The following DRC4 variants were observed in gnomAD, a reference collection of about 807,000 sequenced individuals.
DRC4 encodes GAS-11.
the DRC4 span, among the ~76,000 whole-genome samples, chr16:90,030,507 A>AT: frequency 0.045 from 5,299 of 118,962 alleles, 321 homozygotes; most frequent in African/African-American, 0.14. Flanking sequence ...CTCCTGGCTA[A>AT]TTTTTTTTTT....
the DRC4 span, chr16:90,028,871 A>G: frequency 9.0e-7 from 1 of 1,114,418 alleles, no homozygotes; most frequent in Non-Finnish European, 1.2e-6. Flanking sequence ...AAAGAGTCTC[A>G]TGACCTGAAG....
At chr16:90,022,670 G>A in the DRC4 span, 96 of 1,418,534 alleles carry the variant, frequency 6.8e-5, 1 homozygote, top group Admixed American at 1.5e-3. Flanking sequence ...CGTGGCTTCC[G>A]GGGGCGGGCG....
At chr16:90,032,113 G>A in the DRC4 span, among the ~76,000 whole-genome samples, 1 of 151,844 alleles carries the variant, frequency 6.6e-6, no homozygotes, top group Non-Finnish European at 1.5e-5. Context: ...GTGACCAGGT[G>A]TGTACAGGTA....
At chr16:90,025,397 A>C in the DRC4 span, among the ~76,000 whole-genome samples, 3 of 150,818 alleles carry the variant, frequency 2.0e-5, no homozygotes, top group Non-Finnish European at 3.0e-5. Context: ...CACGCCTGTA[A>C]TCCCAGCACT....
chr16:90,031,407 CGGAG>C, the DRC4 span: 1 of 1,613,734 alleles, frequency 6.2e-7, no homozygotes, highest in Non-Finnish European at 8.5e-7. Context: ...GGAGATCACA[CGGAG>C]GCAGCTGGAG....
the DRC4 span, among the ~76,000 whole-genome samples, chr16:90,039,045 G>GA: frequency 2.6e-5 from 4 of 152,222 alleles, no homozygotes; most frequent in Non-Finnish European, 5.9e-5. Context: ...CCCACCTTCA[G>GA]AGACACCTCA....
chr16:90,022,653 G>C, the DRC4 span: 1 of 1,406,440 alleles, frequency 7.1e-7, no homozygotes, highest in Non-Finnish European at 9.3e-7. Flanking sequence ...CGGTTGCCGG[G>C]AAACGGCGTG....
the DRC4 span, among the ~76,000 whole-genome samples, chr16:90,038,596 T>G: frequency 0.39 from 58,971 of 152,040 alleles, 12,091 homozygotes; most frequent in Middle Eastern, 0.47. Flanking sequence ...AGTCTGAGGG[T>G]TCTGTTCTGA....
the DRC4 span, chr16:90,040,300 G>A: frequency 6.3e-7 from 1 of 1,578,068 alleles, no homozygotes; most frequent in Non-Finnish European, 8.6e-7. Flanking sequence ...GTCCCTACAG[G>A]TGCAGCAGGA....
At chr16:90,043,610 A>G in the DRC4 span, 1 of 606,232 alleles carries the variant, frequency 1.6e-6, no homozygotes, top group Non-Finnish European at 3.1e-6. Context: ...ACCTCCGACC[A>G]CAGTCGGCGG....
the DRC4 span, chr16:90,029,166 G>A: frequency 9.6e-6 from 13 of 1,350,728 alleles, no homozygotes; most frequent in South Asian, 2.3e-5. Flanking sequence ...GGCAGGCTAC[G>A]GGGCAGCTTA....
the DRC4 span, among the ~76,000 whole-genome samples, chr16:90,034,070 C>T: frequency 6.6e-6 from 1 of 152,014 alleles, no homozygotes; most frequent in African/African-American, 2.4e-5. Context: ...GTCTGTTGCC[C>T]TCTGAGAACT....
chr16:90,019,807 C>A, the DRC4 span: 2 of 688,844 alleles, frequency 2.9e-6, no homozygotes, highest in African/African-American at 1.8e-5. The surrounding 1 kb of genome is among the most constrained non-coding windows in gnomAD (Gnocchi z 6.1). Context: ...GCGGGCGCCC[C>A]TCGGGGCTGG....
chr16:90,027,117 ACT>A, the DRC4 span, among the ~76,000 whole-genome samples: 23 of 139,118 alleles, frequency 1.7e-4, no homozygotes, highest in Non-Finnish European at 2.5e-4. Context: ...ATGGAGTCTC[ACT>A]CTGTCGTCCT....
the DRC4 span, among the ~76,000 whole-genome samples, chr16:90,027,038 G>A: frequency 2.0e-5 from 3 of 151,480 alleles, no homozygotes; most frequent in Non-Finnish European, 4.4e-5. Context: ...TCAGCCTCCC[G>A]AGTAACTGGG....
At chr16:90,043,745 G>T in the DRC4 span, 77 of 476,802 alleles carry the variant, frequency 1.6e-4, no homozygotes, top group East Asian at 9.6e-4. Flanking sequence ...TAACTTCATT[G>T]ACACCTGAGT....
the DRC4 span, chr16:90,037,719 A>C: frequency 6.4e-7 from 1 of 1,569,286 alleles, no homozygotes; most frequent in East Asian, 2.2e-5. Flanking sequence ...ATGACTGTGA[A>C]TCTTGAATAC....
At chr16:90,036,398 G>C in the DRC4 span, 1 of 1,606,990 alleles carries the variant, frequency 6.2e-7, no homozygotes, top group Non-Finnish European at 8.5e-7. Flanking sequence ...GGCCAAGTAT[G>C]ATAAGAAGAT....
chr16:90,042,521 G>A, the DRC4 span: 2 of 1,613,572 alleles, frequency 1.2e-6, no homozygotes, highest in Non-Finnish European at 1.7e-6. Flanking sequence ...GTATGAGCTG[G>A]CCCAGGTCTG....
Sources: allele counts gnomAD v4.1 joint callset (sites outside exome capture counted in the v4.1 genomes callset), GRCh38; gene constraint gnomAD v4.1.1; non-coding constraint Gnocchi (gnomAD v3.1); transcripts MANE v1.5; gene names NCBI Gene and HGNC (gene_info 2026-07-23, HGNC 2026-07-21).